Variants in HEMK2 observed in about 807,000 individuals in gnomAD.
The protein encoded by HEMK2 is HemK methyltransferase 2, ETF1 glutamine and histone H4 lysine.
chr21:28,744,636 C>G, the HEMK2 span, among the ~76,000 whole-genome samples: 1 of 152,190 alleles, frequency 6.6e-6, no homozygotes, highest in Non-Finnish European at 1.5e-5. Context: ...ACAAGAGCCT[C>G]TATTTATTAT....
chr21:28,706,273 C>G, the HEMK2 span, among the ~76,000 whole-genome samples: 5 of 152,202 alleles, frequency 3.3e-5, no homozygotes, highest in Non-Finnish European at 7.4e-5. Flanking sequence ...CAGAAGTAGA[C>G]AGTTGCAACT....
At chr21:28,741,654 G>A in the HEMK2 span, among the ~76,000 whole-genome samples, 1 of 152,090 alleles carries the variant, frequency 6.6e-6, no homozygotes, top group East Asian at 1.9e-4. Context: ...TGTGGTATTT[G>A]GTTTTCTGTT....
chr21:28,750,489 A>G, the HEMK2 span, among the ~76,000 whole-genome samples: 1 of 152,108 alleles, frequency 6.6e-6, no homozygotes. Context: ...GCTTGAGGCC[A>G]GGAGTTCGAG....
the HEMK2 span, among the ~76,000 whole-genome samples, chr21:28,723,780 A>G: frequency 6.6e-6 from 1 of 152,202 alleles, no homozygotes; most frequent in African/African-American, 2.4e-5. Flanking sequence ...TACGAACCCA[A>G]AAATGATTTT....
the HEMK2 span, among the ~76,000 whole-genome samples, chr21:28,821,595 G>C: frequency 6.6e-6 from 1 of 152,124 alleles, no homozygotes; most frequent in Non-Finnish European, 1.5e-5. Flanking sequence ...TTCAATGGCA[G>C]AGTACCAAAG....
the HEMK2 span, among the ~76,000 whole-genome samples, chr21:28,692,798 A>G: frequency 1.3e-3 from 204 of 152,286 alleles, no homozygotes; most frequent in African/African-American, 4.8e-3. Flanking sequence ...GGTATATTCA[A>G]ACAAGAGGCT....
the HEMK2 span, among the ~76,000 whole-genome samples, chr21:28,619,871 T>C: frequency 6.6e-6 from 1 of 152,310 alleles, no homozygotes; most frequent in South Asian, 2.1e-4. Context: ...TAATCTGAGA[T>C]AAACACCACA....
chr21:28,877,248 A>AGGGAT, the HEMK2 span, among the ~76,000 whole-genome samples: 1 of 69,600 alleles, frequency 1.4e-5, no homozygotes, highest in Non-Finnish European at 3.5e-5. Flanking sequence ...AGGGAAGGGA[A>AGGGAT]GGGAAGAGAA....
At chr21:28,838,729 C>T in the HEMK2 span, among the ~76,000 whole-genome samples, 1 of 151,018 alleles carries the variant, frequency 6.6e-6, no homozygotes, top group Non-Finnish European at 1.5e-5. Flanking sequence ...CACCTGAAGT[C>T]GGTAGTTCGA....
chr21:28,855,889 G>A, the HEMK2 span, among the ~76,000 whole-genome samples: 136 of 152,258 alleles, frequency 8.9e-4, 1 homozygote, highest in Middle Eastern at 0.01. Flanking sequence ...GGTTGACAAT[G>A]CTAACCACCC....
the HEMK2 span, among the ~76,000 whole-genome samples, chr21:28,853,469 G>C: frequency 6.6e-6 from 1 of 151,710 alleles, no homozygotes; most frequent in Non-Finnish European, 1.5e-5. Context: ...TCAGATTTCT[G>C]TTTATATAAA....
At chr21:28,615,402 C>G in the HEMK2 span, among the ~76,000 whole-genome samples, 7 of 146,236 alleles carry the variant, frequency 4.8e-5, no homozygotes. Context: ...CTGTCGCTGT[C>G]TCTCTCTCTC....
At chr21:28,815,032 A>G in the HEMK2 span, among the ~76,000 whole-genome samples, 1 of 152,174 alleles carries the variant, frequency 6.6e-6, no homozygotes, top group Non-Finnish European at 1.5e-5. Flanking sequence ...CATATACACC[A>G]TGGAATACTA....
At chr21:28,603,581 GTGTGTGTGTGTGTT>G in the HEMK2 span, among the ~76,000 whole-genome samples, 4 of 149,954 alleles carry the variant, frequency 2.7e-5, no homozygotes, top group Non-Finnish European at 5.9e-5. Context: ...GTGTGTGTGT[GTGTGTGTGTGTGTT>G]TTAGGTTGCA....
the HEMK2 span, among the ~76,000 whole-genome samples, chr21:28,680,868 C>T: frequency 1.3e-5 from 2 of 152,166 alleles, no homozygotes; most frequent in African/African-American, 4.8e-5. Context: ...ATGCTAAAAA[C>T]TCTCAATAAA....
the HEMK2 span, among the ~76,000 whole-genome samples, chr21:28,810,019 C>T: frequency 6.6e-6 from 1 of 152,142 alleles, no homozygotes. Context: ...TAAAACAAAA[C>T]CATACTAGTC....
the HEMK2 span, among the ~76,000 whole-genome samples, chr21:28,669,054 T>G: frequency 6.6e-6 from 1 of 152,098 alleles, no homozygotes; most frequent in Non-Finnish European, 1.5e-5. Flanking sequence ...ACATTCCCAC[T>G]TGTAGAAAGA....
the HEMK2 span, among the ~76,000 whole-genome samples, chr21:28,612,519 G>C: frequency 6.6e-6 from 1 of 152,144 alleles, no homozygotes; most frequent in African/African-American, 2.4e-5. Flanking sequence ...CTGAGAACTG[G>C]AACAAGGCAA....
the HEMK2 span, among the ~76,000 whole-genome samples, chr21:28,590,666 A>G: frequency 2.6e-5 from 4 of 152,230 alleles, no homozygotes; most frequent in Non-Finnish European, 2.9e-5. Flanking sequence ...GCCAATTATG[A>G]AGCAGCAGGG....
Sources: allele counts gnomAD v4.1 joint callset (sites outside exome capture counted in the v4.1 genomes callset), GRCh38; gene constraint gnomAD v4.1.1; transcripts MANE v1.5; gene names NCBI Gene and HGNC (gene_info 2026-07-23, HGNC 2026-07-21).